Variants in RHOH observed in about 807,000 individuals in gnomAD.
RHOH encodes rho-related GTP-binding protein RhoH.
In RHOH, 6 loss-of-function variants were observed where a neutral mutation model predicts 13.8. The ratio of observed to expected loss-of-function variants is 0.44; its 90% CI spans 0.24 to 0.86. The LOEUF is 0.86. Ranked by LOEUF, RHOH falls within the 40% of genes least tolerant of loss-of-function variation. The pLI, the probability that RHOH is intolerant of heterozygous loss-of-function variation, is 0.24. For missense variants in RHOH, 147 were observed against 244.5 expected, an observed-to-expected ratio of 0.60 and a Z score of 2.66; for synonymous variants, 117 against 103.0, an observed-to-expected ratio of 1.14 and a Z score of -0.82.
At chr4:40,223,370 A>T (rs1726814229) in intron 1 of RHOH, among the ~76,000 whole-genome samples, 1 of 151,354 alleles carries the variant, frequency 6.6e-6, no homozygotes, top group African/African-American at 2.4e-5. Flanking sequence ...AGCCACAGCC[A>T]CTCCAACCTG....
At chr4:40,207,768 A>G (rs982423704) in intron 1 of RHOH, among the ~76,000 whole-genome samples, 1 of 152,310 alleles carries the variant, frequency 6.6e-6, no homozygotes, top group African/African-American at 2.4e-5. Context: ...GGAGTTCGAG[A>G]CCAGCCTGGC....
intron 1 of RHOH, among the ~76,000 whole-genome samples, chr4:40,224,430 A>G (rs1437604318): frequency 1.3e-5 from 2 of 152,278 alleles, no homozygotes; most frequent in Non-Finnish European, 1.5e-5. Context: ...TTGCTGGATT[A>G]AAAGGTCTCC....
chr4:40,236,511 C>A (rs1034686218), intron 1 of RHOH, among the ~76,000 whole-genome samples: 1 of 152,170 alleles, frequency 6.6e-6, no homozygotes, highest in Non-Finnish European at 1.5e-5. Flanking sequence ...AACTTACCGG[C>A]TGGCTGCGGT....
At chr4:40,239,944 G>A (rs1254121315) in intron 1 of RHOH, among the ~76,000 whole-genome samples, 1 of 152,074 alleles carries the variant, frequency 6.6e-6, no homozygotes, top group African/African-American at 2.4e-5. Flanking sequence ...AACAACCTGT[G>A]ATACAGATAT....
In RHOH at chr4:40,243,462, T is replaced by C. The variant is rs2109589342; in HGVS notation, c.76T>C (p.Ser26Pro). Residue 26 changes from serine (S) to proline (P), a missense_variant, in exon 3 of 3, where the codon TCC (serine) becomes CCC (proline). Physicochemically the swap from Ser to Pro is moderately conservative, Grantham distance 74. Transcript: ENST00000381799. This position sits in a 1 kb window ranked among gnomAD's most constrained non-coding sequence, Gnocchi z 6.2. ...GKTSLLVRFT[S>P]ETFPEAYKPT... ...AACCTCTCTGTTGGTGCGCTTCACC[T>C]CCGAGACCTTCCCGGAGGCCTACAA... 6.2e-7 allele frequency: 1 copy of C among 1,613,772 alleles called. No individual in the cohort carries two copies. The highest frequency in any genetic ancestry group is 8.5e-7 in the Non-Finnish European group (1 of 1,179,912).
At chr4:40,193,873 G>A (rs1560674145), upstream of RHOH, 1 of 152,244 alleles carries the variant, frequency 6.6e-6, no homozygotes, top group Admixed American at 6.5e-5. Flanking sequence ...AGTCCATCCT[G>A]ACTCTGGAGT....
At chr4:40,193,717 A>G (rs1050813296), upstream of RHOH, 1 of 152,466 alleles carries the variant, frequency 6.6e-6, no homozygotes, top group Non-Finnish European at 1.5e-5. Flanking sequence ...GTACCAGATC[A>G]TCTAAAACTG....
At chr4:40,221,258 T>TAC (rs1726529742) in intron 1 of RHOH, among the ~76,000 whole-genome samples, 1 of 152,186 alleles carries the variant, frequency 6.6e-6, no homozygotes, top group Non-Finnish European at 1.5e-5. Context: ...AGTTTGGACA[T>TAC]TTATCTTTCT....
intron 1 of RHOH, among the ~76,000 whole-genome samples, chr4:40,223,774 T>G (rs866821717): frequency 0.026 from 3,644 of 141,910 alleles, 63 homozygotes; most frequent in Middle Eastern, 0.048. Flanking sequence ...CTTGTTTTTT[T>G]TTTTTTTTTT....
upstream of RHOH, chr4:40,193,036 G>T (rs1722770305): frequency 6.5e-6 from 1 of 152,690 alleles, no homozygotes; most frequent in Non-Finnish European, 1.5e-5. Flanking sequence ...TGGTCAGAAA[G>T]TGGTTGTTCA....
chr4:40,195,393 CCTTCCTTCCTTCCTTCCTT>C (rs1173822064), upstream of RHOH, among the ~76,000 whole-genome samples: 2 of 139,966 alleles, frequency 1.4e-5, no homozygotes, highest in East Asian at 2.0e-4. Context: ...TTCCTTCCTT[CCTTCCTTCCTTCCTTCCTT>C]CCTTCCCTCC....
At chr4:40,215,646 A>G (rs1560695403) in intron 1 of RHOH, among the ~76,000 whole-genome samples, 1 of 152,188 alleles carries the variant, frequency 6.6e-6, no homozygotes, top group Non-Finnish European at 1.5e-5. Flanking sequence ...ATGTATTGGG[A>G]AGTGGGACGC....
intron 1 of RHOH, among the ~76,000 whole-genome samples, chr4:40,201,695 G>A (rs1367917456): frequency 6.6e-6 from 1 of 151,722 alleles, no homozygotes; most frequent in African/African-American, 2.4e-5. Context: ...GTTGTTAAAC[G>A]TTTACTAGCA....
chr4:40,199,584 C>T (rs1256673869), intron 1 of RHOH, among the ~76,000 whole-genome samples: 1 of 152,192 alleles, frequency 6.6e-6, no homozygotes, highest in African/African-American at 2.4e-5. Flanking sequence ...TACTTGTGGG[C>T]CTCCTTGGTT....
At chr4:40,211,849 C>T (rs1725309209) in intron 1 of RHOH, among the ~76,000 whole-genome samples, 1 of 152,144 alleles carries the variant, frequency 6.6e-6, no homozygotes. Context: ...TGTGCCTAAG[C>T]TGCTTCAGTT....
At chr4:40,219,412 A>C (rs1267535435) in intron 1 of RHOH, among the ~76,000 whole-genome samples, 1 of 54,770 alleles carries the variant, frequency 1.8e-5, no homozygotes, top group Non-Finnish European at 6.9e-5. Flanking sequence ...CTCCATCTCA[A>C]AAAAAAAAAA....
chr4:40,194,989 T>G (rs193301696), upstream of RHOH, among the ~76,000 whole-genome samples: 170 of 152,312 alleles, frequency 1.1e-3, no homozygotes, highest in Middle Eastern at 3.4e-3. Context: ...CTCATGATTC[T>G]GAGCTATGTG....
At chr4:40,222,831 A>G (rs558908590) in intron 1 of RHOH, among the ~76,000 whole-genome samples, 2 of 152,376 alleles carry the variant, frequency 1.3e-5, no homozygotes, top group African/African-American at 2.4e-5. Context: ...TAAATTTAAA[A>G]TCTTCTGAAA....
upstream of RHOH, among the ~76,000 whole-genome samples, chr4:40,194,240 ATTT>A (rs35020527): frequency 0.26 from 35,180 of 133,586 alleles, 4,284 homozygotes; most frequent in South Asian, 0.34. Context: ...TATTATTATT[ATTT>A]TTTAGGCTGA....
Sources: gnomAD v4.1 joint callset for allele counts (sites outside exome capture counted in the v4.1 genomes callset) on GRCh38, gnomAD v4.1.1 for gene constraint, Gnocchi (gnomAD v3.1) non-coding constraint, MANE v1.5 for transcripts, NCBI Gene and HGNC (gene_info 2026-07-23, HGNC 2026-07-21) for gene names.